Variants in REPS2 observed in about 807,000 individuals in gnomAD.
The protein encoded by REPS2 is RALBP1 associated Eps domain containing 2, also known as ralBP1-associated Eps domain-containing protein 2.
Under a neutral mutation model 53.6 loss-of-function variants are expected in REPS2, and 23 were observed. The observed-to-expected ratio is 0.43, with a 90% CI of 0.31 to 0.61. The LOEUF is 0.61. REPS2 is among the 20% of genes least tolerant of loss of function. REPS2 has a pLI of 0.11. For missense variants in REPS2, 446 were observed against 534.9 expected (o/e 0.83, Z 1.64); for synonymous variants, 238 against 218.6 (o/e 1.09, Z -0.78).
In REPS2 at chrX:16,996,922, G is replaced by A. The variant is rs111838983; in HGVS notation, c.274-9299G>A. On this transcript the variant is annotated intron_variant, in intron 1 of 17. Coordinates refer to ENST00000357277, the MANE Select transcript of REPS2 (RefSeq NM_004726.3). ...GTAGGTGTAAGTGTGCATAAAATATGGAATAGACTGAAATCAACAAACTTA... is the reference window on the plus strand; with the variant it reads ...GTAGGTGTAAGTGTGCATAAAATATAGAATAGACTGAAATCAACAAACTTA... Among the ~76,000 whole-genome samples, 603 of 112,346 alleles carry A rather than the reference G, an allele frequency of 5.4e-3. 5 individuals are homozygous for A. The highest frequency in any genetic ancestry group is 0.019 in the African/African-American group (580 of 30,923).
chrX:17,102,247 A>G (rs2062818718), intron 13 of REPS2, among the ~76,000 whole-genome samples: 1 of 109,938 alleles, frequency 9.1e-6, no homozygotes, highest in Admixed American at 9.8e-5. Flanking sequence ...ACGCCTGGCT[A>G]GTTTTTGTAT....
chrX:16,984,587 T>C (rs1007065010), intron 1 of REPS2, among the ~76,000 whole-genome samples: 13 of 112,429 alleles, frequency 1.2e-4, no homozygotes, highest in Non-Finnish European at 3.7e-5. Context: ...TTATGAATTA[T>C]ATTTCCTTTT....
the REPS2 span, among the ~76,000 whole-genome samples, chrX:17,174,459 T>C: frequency 1.8e-5 from 2 of 111,705 alleles, no homozygotes; most frequent in Non-Finnish European, 3.8e-5. Flanking sequence ...GTATCAGGAT[T>C]TTTTAAGGCT....
chrX:17,026,666 C>T (rs1006623837), intron 4 of REPS2, among the ~76,000 whole-genome samples: 2 of 111,422 alleles, frequency 1.8e-5, no homozygotes, highest in African/African-American at 6.5e-5. Flanking sequence ...GGTAAGGAAG[C>T]AGCTTGCTTC....
At chrX:17,049,974 G>C (rs751162091) in intron 6 of REPS2, among the ~76,000 whole-genome samples, 1 of 105,677 alleles carries the variant, frequency 9.5e-6, no homozygotes, top group African/African-American at 3.5e-5. Context: ...TAATGTCCTA[G>C]GCCTTCACAG....
At chrX:16,965,481 C>T (rs1444220749) in intron 1 of REPS2, among the ~76,000 whole-genome samples, 41 of 108,697 alleles carry the variant, frequency 3.8e-4, no homozygotes, top group Non-Finnish European at 6.6e-4. Context: ...GGGCAGCTGC[C>T]GGGCGGAGGG....
chrX:16,968,144 G>A (rs2060799073), intron 1 of REPS2, among the ~76,000 whole-genome samples: 1 of 111,408 alleles, frequency 9.0e-6, no homozygotes, highest in South Asian at 3.8e-4. Context: ...GTTTCAGAGA[G>A]CACCGGGTTG....
chrX:17,010,186 G>A (rs763477711), intron 2 of REPS2, among the ~76,000 whole-genome samples: 1 of 112,188 alleles, frequency 8.9e-6, no homozygotes, highest in African/African-American at 3.2e-5. Context: ...TTTATTTATA[G>A]TCATAGAAAG....
intron 1 of REPS2, among the ~76,000 whole-genome samples, chrX:16,958,655 A>G (rs2060625448): frequency 8.9e-6 from 1 of 111,861 alleles, no homozygotes; most frequent in South Asian, 3.7e-4. Context: ...GGCCAGTGGG[A>G]TGAGGGGATG....
the REPS2 span, among the ~76,000 whole-genome samples, chrX:17,175,655 T>G: frequency 8.9e-6 from 1 of 112,602 alleles, no homozygotes; most frequent in Non-Finnish European, 1.9e-5. Flanking sequence ...ATTGAATTAA[T>G]TTAGGCAATG....
chrX:17,134,285 A>G (rs77360457), intron 15 of REPS2, among the ~76,000 whole-genome samples: 192 of 111,693 alleles, frequency 1.7e-3, no homozygotes, highest in Middle Eastern at 4.6e-3. Context: ...TCTTTGTACC[A>G]TGGTTTCCTC....
intron 1 of REPS2, among the ~76,000 whole-genome samples, chrX:16,999,946 C>G (rs1276024592): frequency 1.0e-5 from 1 of 97,993 alleles, no homozygotes; most frequent in African/African-American, 3.8e-5. Flanking sequence ...ACTTGGGAGG[C>G]TGAGGCAGGA....
At chrX:17,168,509 T>C in the REPS2 span, among the ~76,000 whole-genome samples, 3 of 111,259 alleles carry the variant, frequency 2.7e-5, 1 homozygote, top group South Asian at 1.2e-3. Flanking sequence ...CAAGACTCTG[T>C]CTGAGAGGCA....
chrX:17,029,445 C>A, intron 4 of REPS2, 81 bp from the exon 5 acceptor site: 1 of 654,024 alleles, frequency 1.5e-6, no homozygotes, highest in South Asian at 2.4e-5. Flanking sequence ...AAAGCAGATG[C>A]TGTATCAGTT....
the REPS2 span, among the ~76,000 whole-genome samples, chrX:17,178,030 A>T: frequency 8.9e-6 from 1 of 111,743 alleles, no homozygotes; most frequent in South Asian, 3.8e-4. Context: ...GAATGTGGGT[A>T]TGGGGATTGT....
intron 13 of REPS2, among the ~76,000 whole-genome samples, chrX:17,085,915 A>G (rs902998664): frequency 8.9e-6 from 1 of 111,868 alleles, no homozygotes; most frequent in Non-Finnish European, 1.9e-5. Flanking sequence ...ATTCTTTAAT[A>G]TCATTTAATA....
intron 9 of REPS2, among the ~76,000 whole-genome samples, chrX:17,065,725 T>G (rs1396014290): frequency 3.6e-5 from 4 of 111,560 alleles, no homozygotes; most frequent in African/African-American, 1.3e-4. Context: ...TAGCTGGGAC[T>G]ACAGGTGCGT....
intron 14 of REPS2, among the ~76,000 whole-genome samples, chrX:17,131,444 G>T (rs1231428409): frequency 9.0e-6 from 1 of 111,697 alleles, no homozygotes; most frequent in Non-Finnish European, 1.9e-5. Flanking sequence ...TGCTCTGAAG[G>T]AGGTTAGAGA....
At chrX:17,029,497 C>T (rs1475857082) in intron 4 of REPS2, 29 bp from the exon 5 acceptor site, 1 of 1,022,600 alleles carries the variant, frequency 9.8e-7, no homozygotes, top group Admixed American at 2.3e-5. Context: ...CTTTGCATAC[C>T]ATACTGACTT....
Sources: allele counts gnomAD v4.1 joint callset (sites outside exome capture counted in the v4.1 genomes callset), GRCh38; gene constraint gnomAD v4.1.1; transcripts MANE v1.5; gene names NCBI Gene and HGNC (gene_info 2026-07-23, HGNC 2026-07-21).